The following ARHGEF10 variants were observed in gnomAD, a reference collection of about 807,000 sequenced individuals.
ARHGEF10 encodes the protein Rho guanine nucleotide exchange factor (GEF) 10.
A neutral mutation model predicts 147.4 loss-of-function variants in ARHGEF10; 140 were observed. The observed-to-expected ratio is 0.95, with a 90% CI of 0.83 to 1.09. The LOEUF (loss-of-function observed/expected upper bound fraction) is 1.09, where lower values mean the gene tolerates loss of function less well. Ranked by LOEUF, ARHGEF10 falls within the 50% of genes least tolerant of loss-of-function variation. The probability of loss-of-function intolerance (pLI) is 0.00; values close to 1 mark genes in which losing one functional copy is unlikely to be tolerated. For missense variants in ARHGEF10, 2,222 were observed against 1,752.7 expected, an observed-to-expected ratio of 1.27 and a Z score of -4.78; for synonymous variants, 902 against 695.8, an observed-to-expected ratio of 1.30 and a Z score of -4.67.
At chr8:1,866,745 C>A in intron 6 of ARHGEF10, 143 bp downstream of exon 6, 3 of 883,946 alleles carry the variant, frequency 3.4e-6, no homozygotes, top group South Asian at 1.4e-5. Flanking sequence ...GTAACATGGG[C>A]TGACTGTGCA....
At chr8:1,882,400 C>G (rs1756251927) in intron 9 of ARHGEF10, among the ~76,000 whole-genome samples, 1 of 152,160 alleles carries the variant, frequency 6.6e-6, no homozygotes, top group Admixed American at 6.5e-5. Flanking sequence ...CATATAATAC[C>G]ATAAATGGGG....
upstream of ARHGEF10, among the ~76,000 whole-genome samples, chr8:1,823,353 C>G (rs1311321578): frequency 3.5e-4 from 39 of 112,846 alleles, no homozygotes; most frequent in Admixed American, 7.3e-4. Flanking sequence ...CAGCTGCGGA[C>G]GGAGGGACGG....
intron 1 of ARHGEF10, among the ~76,000 whole-genome samples, chr8:1,831,213 G>A (rs1446228633): frequency 6.6e-6 from 1 of 152,036 alleles, no homozygotes; most frequent in East Asian, 1.9e-4. Flanking sequence ...GGGACAGTGT[G>A]TGGCAGCCGT....
intron 15 of ARHGEF10, among the ~76,000 whole-genome samples, 162 bp downstream of exon 15, chr8:1,898,687 C>T (rs546712225): frequency 1.3e-5 from 2 of 152,306 alleles, no homozygotes; most frequent in African/African-American, 4.8e-5. Context: ...AGGTGGAGAC[C>T]TGCGGAGAGT....
intron 21 of ARHGEF10, among the ~76,000 whole-genome samples, chr8:1,924,611 G>A (rs9314443): frequency 0.092 from 13,978 of 152,244 alleles, 750 homozygotes; most frequent in African/African-American, 0.15. Flanking sequence ...TGTCCCGGAC[G>A]GGAAAGCCGT....
intron 2 of ARHGEF10, among the ~76,000 whole-genome samples, chr8:1,851,420 A>T (rs544493167): frequency 7.1e-6 from 1 of 140,550 alleles, no homozygotes; most frequent in Non-Finnish European, 1.5e-5. Context: ...GAGGCCTAAC[A>T]CACACCGTGG....
intron 13 of ARHGEF10, among the ~76,000 whole-genome samples, chr8:1,896,089 T>G (rs1456404097): frequency 6.6e-6 from 1 of 152,144 alleles, no homozygotes; most frequent in Non-Finnish European, 1.5e-5. Flanking sequence ...CAAATTACCA[T>G]GGTTTTGAAC....
Position 1,825,503 on chromosome 8 carries a change from C to T in ARHGEF10, c.-48+1390C>T, listed in dbSNP as rs749253015. On this transcript the variant is annotated intron_variant, in intron 1 of 28. Transcript: ENST00000349830. ...TCCCTCGCACCCCAGCTGTCCCCCCCGTACTCCACCTGTTCCCCTGCACCC... is the reference window on the plus strand; with the variant it reads ...TCCCTCGCACCCCAGCTGTCCCCCCTGTACTCCACCTGTTCCCCTGCACCC... 1.5e-3 allele frequency among the ~76,000 whole-genome samples: 216 copies of T among 147,990 alleles called. 1 individual carries two copies. Among genetic ancestry groups the T allele is most frequent in the Non-Finnish European group, 2.8e-3 (187 of 67,154 alleles).
intron 2 of ARHGEF10, among the ~76,000 whole-genome samples, chr8:1,853,405 T>C (rs931504687): frequency 2.0e-5 from 3 of 152,252 alleles, no homozygotes; most frequent in Non-Finnish European, 4.4e-5. Flanking sequence ...CAACAGCTTT[T>C]TGAAAGATCC....
chr8:1,903,018 A>T (rs1787881821), intron 15 of ARHGEF10, among the ~76,000 whole-genome samples: 1 of 152,122 alleles, frequency 6.6e-6, no homozygotes, highest in South Asian at 2.1e-4. Flanking sequence ...TATTTCTGAG[A>T]TTGTGATATG....
chr8:1,905,625 G>C lies in ARHGEF10; in HGVS notation c.1876G>C (p.Val626Leu). Residue 626 changes from valine (V) to leucine (L), a missense_variant, in exon 17 of 29, where the codon GTT becomes CTT. Physicochemically the swap from Val to Leu is conservative, Grantham distance 32. Coordinates refer to ENST00000349830, the MANE Select transcript of ARHGEF10 (RefSeq NM_014629.4). ...TCGATCAGATGATATGATAGAAACAGTTTACAACGACAGAGGAGAGATTGT... is the reference window on the plus strand; with the variant it reads ...TCGATCAGATGATATGATAGAAACACTTTACAACGACAGAGGAGAGATTGT... ...LIRSDDMIET[V>L]YNDRGEIVKT... 1 of 1,614,196 alleles carries C rather than the reference G, an allele frequency of 6.2e-7. No individual in the cohort carries two copies. Among genetic ancestry groups the C allele is most frequent in the Non-Finnish European group, 8.5e-7 (1 of 1,180,020 alleles).
rs568970404 is a variant in ARHGEF10, at chr8:1,958,171, A to C, written c.*908A>C. The C allele has an allele frequency of 6.6e-6, 1 of 152,360 alleles. No individual in the cohort carries two copies. Among genetic ancestry groups the C allele is most frequent in the African/African-American group, 2.4e-5 (1 of 41,574 alleles). The allele number at this position is 152,360 out of a possible 1,614,324, so 9.4% of individuals were successfully genotyped here. ...CGTGGAATGCTGTGTCTGCTTTAGC[A>C]CGCACGCTCCGAATGACTCCTGGTG... On this transcript the variant is annotated 3_prime_UTR_variant, in exon 29 of 29. Transcript: ENST00000349830.
At chr8:1,951,212 G>GCCCCGGGCTGCT (rs1815019148) in intron 27 of ARHGEF10, among the ~76,000 whole-genome samples, 1 of 152,226 alleles carries the variant, frequency 6.6e-6, no homozygotes, top group Non-Finnish European at 1.5e-5. Context: ...TTGCGGCTGC[G>GCCCCGGGCTGCT]CCCCGGGCTG....
chr8:1,847,837 A>G (rs1444177388), intron 2 of ARHGEF10, among the ~76,000 whole-genome samples: 1 of 152,274 alleles, frequency 6.6e-6, no homozygotes, highest in Non-Finnish European at 1.5e-5. Flanking sequence ...TCATATGAGA[A>G]TCAAACATGC....
In ARHGEF10 at chr8:1,834,161, G is replaced by A. The variant is rs76594988; in HGVS notation, c.-47-9192G>A. Reference sequence around the variant, plus strand: ...AAGTGGATACTGTGGTGGCCGGTCCGGGGCTGCTTGTCCCCTCCCCAGCAT... The same window carrying A: ...AAGTGGATACTGTGGTGGCCGGTCCAGGGCTGCTTGTCCCCTCCCCAGCAT... On this transcript the variant is annotated intron_variant, in intron 1 of 28. Coordinates refer to ENST00000349830, the MANE Select transcript of ARHGEF10 (RefSeq NM_014629.4). Among the ~76,000 whole-genome samples the A allele has an allele frequency of 8.7e-3, 1,327 of 152,296 alleles. 26 individuals carry two copies. The highest frequency in any genetic ancestry group is 0.03 in the African/African-American group (1,254 of 41,560).
At chr8:1,929,197 G>T (rs746673188) in intron 24 of ARHGEF10, 89 bp from the exon 25 acceptor site, 26 of 1,422,354 alleles carry the variant, frequency 1.8e-5, no homozygotes, top group Non-Finnish European at 2.4e-5. Flanking sequence ...AGAGGGAAGA[G>T]TTGAAATGTT....
chr8:1,839,342 G>GAA (rs1803803928), intron 1 of ARHGEF10, among the ~76,000 whole-genome samples: 3 of 136,704 alleles, frequency 2.2e-5, no homozygotes, highest in African/African-American at 8.6e-5. Flanking sequence ...CTGGTGTAGG[G>GAA]ACTGTCTGGT....
intron 16 of ARHGEF10, among the ~76,000 whole-genome samples, chr8:1,904,801 ACT>A (rs1660701843): frequency 6.6e-6 from 1 of 150,960 alleles, no homozygotes; most frequent in Admixed American, 6.6e-5. Flanking sequence ...GGGGCTGAGG[ACT>A]CTGTTTTTCT....
At position 1,860,146 on chromosome 8, in the gene ARHGEF10, G is replaced by A. The variant is rs761752023; in HGVS notation, c.443G>A (p.Ser148Asn). 8.1e-6 allele frequency: 13 copies of A among 1,613,728 alleles called. No individual in the cohort carries two copies. In the East Asian group the frequency reaches 2.9e-4, roughly 36 times the overall value. ...NLPLLLPAYSSPVIICATSLD... is the reference protein window; with the variant it reads ...NLPLLLPAYSNPVIICATSLD... ...CCCCTCCTGCTGCCCGCCTACTCCA[G>A]CCCGGTCATCATCTGCGCCACGTCC... The change falls in exon 4 of 29, where the codon AGC becomes AAC. Residue 148 changes from serine (S) to asparagine (N), a missense_variant. By Grantham distance (46) the Ser-to-Asn change is conservative (BLOSUM62 1). Transcript: ENST00000349830.
Sources: gnomAD v4.1 joint callset for allele counts (sites outside exome capture counted in the v4.1 genomes callset) on GRCh38, gnomAD v4.1.1 for gene constraint, MANE v1.5 for transcripts, NCBI Gene and HGNC (gene_info 2026-07-23, HGNC 2026-07-21) for gene names.